The following TEX26 variants were observed in gnomAD, a reference collection of about 807,000 sequenced individuals.
TEX26 encodes testis expressed 26.
In TEX26, 34 loss-of-function variants were observed where a neutral mutation model predicts 35.3. That is an observed-to-expected ratio of 0.96 (90% CI 0.73 to 1.28). The LOEUF (loss-of-function observed/expected upper bound fraction) is 1.28. Among genes scored for constraint, TEX26 ranks in the 50% most tolerant of loss-of-function variants. The probability of loss-of-function intolerance (pLI) is 0.00; values close to 1 mark genes in which losing one functional copy is unlikely to be tolerated. For missense variants in TEX26, 371 were observed against 330.1 expected (o/e 1.12, Z -0.96); for synonymous variants, 136 against 111.8 (o/e 1.22, Z -1.36).
In TEX26 at chr13:30,958,808, G is replaced by C. The variant is rs115253443; in HGVS notation, c.469+1779G>C. ...AGTATATCCCGTCTAGCATGTTCCA[G>C]ATGAAAACAAAAACAGAGCTTTCCC... On this transcript the variant is annotated intron_variant, in intron 4 of 6. Coordinates refer to ENST00000380473, the MANE Select transcript of TEX26 (RefSeq NM_152325.3). Among the ~76,000 whole-genome samples, 1,126 of 152,280 alleles carry C rather than the reference G, an allele frequency of 7.4e-3. 20 individuals carry two copies. The highest frequency in any genetic ancestry group is 0.026 in the African/African-American group (1,079 of 41,556).
intron 1 of TEX26, among the ~76,000 whole-genome samples, chr13:30,935,371 G>T (rs1953234611): frequency 1.3e-5 from 2 of 152,260 alleles, no homozygotes; most frequent in African/African-American, 4.8e-5. Flanking sequence ...GACTCATGCT[G>T]CCTCCTCCAG....
chr13:30,968,159 C>T (rs1290121630), intron 5 of TEX26, among the ~76,000 whole-genome samples: 1 of 152,060 alleles, frequency 6.6e-6, no homozygotes, highest in East Asian at 1.9e-4. Context: ...GCATGGGAGT[C>T]AAGCAAAATA....
intron 6 of TEX26, among the ~76,000 whole-genome samples, chr13:30,974,451 TCA>T (rs1392491792): frequency 2.6e-5 from 4 of 152,184 alleles, no homozygotes; most frequent in Admixed American, 2.6e-4. Flanking sequence ...TCTGGGTGCT[TCA>T]CACACAGTGT....
At chr13:30,957,876 A>G (rs1009717800) in intron 4 of TEX26, among the ~76,000 whole-genome samples, 1 of 152,276 alleles carries the variant, frequency 6.6e-6, no homozygotes, top group Non-Finnish European at 1.5e-5. Context: ...GACAGATGTC[A>G]GAGATACGGG....
At chr13:30,944,788 C>T (rs1218805192) in intron 2 of TEX26, among the ~76,000 whole-genome samples, 1 of 151,860 alleles carries the variant, frequency 6.6e-6, no homozygotes, top group African/African-American at 2.4e-5. Context: ...TAGTTTCATT[C>T]CACTGTGATC....
At chr13:30,958,559 C>G (rs767777131) in intron 4 of TEX26, among the ~76,000 whole-genome samples, 2 of 152,192 alleles carry the variant, frequency 1.3e-5, no homozygotes, top group East Asian at 1.9e-4. Context: ...CCTGTTCACC[C>G]GAGGACAGGA....
chr13:30,951,074 G>A (rs1953902982), intron 2 of TEX26, among the ~76,000 whole-genome samples: 1 of 152,170 alleles, frequency 6.6e-6, no homozygotes, highest in Non-Finnish European at 1.5e-5. Flanking sequence ...TGTAATCCCA[G>A]CCTGTAGCAT....
chr13:30,970,036 G>T (rs73455621), intron 6 of TEX26, among the ~76,000 whole-genome samples: 1 of 151,974 alleles, frequency 6.6e-6, no homozygotes, highest in Non-Finnish European at 1.5e-5. Context: ...GCCTCCAGGT[G>T]CTGTCCCCAG....
Position 30,957,025 on chromosome 13 carries a change from A to G in TEX26, c.465A>G (p.Ser155=). 1 of 1,613,862 alleles carries G rather than the reference A, an allele frequency of 6.2e-7. No individual in the cohort carries two copies. Among genetic ancestry groups the G allele is most frequent in the Non-Finnish European group, 8.5e-7 (1 of 1,179,846 alleles). The change falls in exon 4 of 7, where the codon TCA becomes TCG. Residue 155 remains serine (S), a synonymous_variant. Coordinates refer to ENST00000380473, the MANE Select transcript of TEX26 (RefSeq NM_152325.3). ...SLTKRDFVDR[S]KAQKIKKSSH... is the part of the protein sequence containing the mutation. ...CTAAGAGAGACTTTGTGGACAGATC[A>G]AAAGGTAAACACTTTTGTTTTTCTT...
At chr13:30,958,555 C>G (rs1027333087) in intron 4 of TEX26, among the ~76,000 whole-genome samples, 3 of 152,162 alleles carry the variant, frequency 2.0e-5, no homozygotes, top group African/African-American at 7.2e-5. Flanking sequence ...GGCCCCTGTT[C>G]ACCCGAGGAC....
At chr13:30,953,132 A>C (rs1328698176) in intron 3 of TEX26, among the ~76,000 whole-genome samples, 1 of 152,166 alleles carries the variant, frequency 6.6e-6, no homozygotes, top group Non-Finnish European at 1.5e-5. Context: ...GACAGCCATC[A>C]CCTTTATTTT....
intron 2 of TEX26, among the ~76,000 whole-genome samples, chr13:30,950,364 A>T (rs974044068): frequency 6.6e-6 from 1 of 152,070 alleles, no homozygotes; most frequent in African/African-American, 2.4e-5. Context: ...TGGGTGACAG[A>T]GTAAGACTCT....
intron 4 of TEX26, among the ~76,000 whole-genome samples, chr13:30,964,159 G>A (rs1954446112): frequency 6.6e-6 from 1 of 152,104 alleles, no homozygotes; most frequent in Non-Finnish European, 1.5e-5. Flanking sequence ...CTCTCTCTGG[G>A]CTCCTGTAGC....
chr13:30,933,078 C>T, intron 1 of TEX26: 1 of 301,274 alleles, frequency 3.3e-6, no homozygotes, highest in Non-Finnish European at 6.2e-6. Context: ...GGTGATTTTC[C>T]AAGGAAAACA....
chr13:30,972,057 G>A lies in TEX26; in HGVS notation c.809-2789G>A, dbSNP rs536673410. ...CTCAGGGAACTCATTATCTGGTATGGGAGATAGACACATAGTTAAAATGTC... is the reference window on the plus strand; with the variant it reads ...CTCAGGGAACTCATTATCTGGTATGAGAGATAGACACATAGTTAAAATGTC... On this transcript the variant is annotated intron_variant, in intron 6 of 6. Transcript: ENST00000380473. 2.6e-5 allele frequency among the ~76,000 whole-genome samples: 4 copies of A among 152,286 alleles called. No homozygotes were observed. The South Asian group carries it at 8.3e-4, about 32-fold the overall frequency.
intron 3 of TEX26, among the ~76,000 whole-genome samples, chr13:30,955,971 G>T (rs1566155740): frequency 1.3e-5 from 2 of 152,064 alleles, no homozygotes; most frequent in Non-Finnish European, 2.9e-5. Flanking sequence ...ATGGCAAGAG[G>T]GGGTGAAGAT....
intron 1 of TEX26, among the ~76,000 whole-genome samples, chr13:30,939,456 T>C (rs1953394079): frequency 1.3e-5 from 2 of 152,350 alleles, no homozygotes; most frequent in East Asian, 3.9e-4. Flanking sequence ...TTCTTTAAAA[T>C]AGCATGCATG....
At chr13:30,944,413 T>C (rs563407950) in intron 2 of TEX26, among the ~76,000 whole-genome samples, 4 of 152,090 alleles carry the variant, frequency 2.6e-5, no homozygotes, top group African/African-American at 9.6e-5. Context: ...AGCTTTTTGT[T>C]TCATTGATTT....
At chr13:30,953,088 C>G (rs78844372) in intron 3 of TEX26, among the ~76,000 whole-genome samples, 60 of 152,160 alleles carry the variant, frequency 3.9e-4, no homozygotes, top group Middle Eastern at 3.4e-3. Flanking sequence ...TTAAAGTGAA[C>G]AATTCACTGG....
Sources: allele counts gnomAD v4.1 joint callset (sites outside exome capture counted in the v4.1 genomes callset), GRCh38; gene constraint gnomAD v4.1.1; transcripts MANE v1.5; gene names NCBI Gene and HGNC (gene_info 2026-07-23, HGNC 2026-07-21).